NXPE2: variants seen among roughly 807,000 people sequenced by gnomAD.
The protein encoded by NXPE2 is NXPE family member 2.
A neutral mutation model predicts 34.4 loss-of-function variants in NXPE2; 34 were observed. The observed-to-expected ratio is 0.99, with a 90% CI of 0.75 to 1.31. The LOEUF is 1.31. NXPE2 is among the 40% of genes most tolerant of loss of function. NXPE2 has a pLI of 0.00. For missense variants in NXPE2, 649 were observed against 672.5 expected, an observed-to-expected ratio of 0.97 and a Z score of 0.39; for synonymous variants, 235 against 231.3, an observed-to-expected ratio of 1.02 and a Z score of -0.15.
chr11:114,706,489 T>A lies in NXPE2; in HGVS notation c.1239T>A (p.His413Gln). ...ERHILIQWKK[H>Q]GHPFVTKKLF... ...ATATTTTGATTCAGTGGAAAAAACA[T>A]GGTCATCCATTTGTTACCAAAAAAT... is the stretch of plus-strand genomic sequence containing the variant. The change falls in exon 6 of 6, where the codon CAT (histidine) becomes CAA (glutamine). Residue 413 changes from histidine to glutamine, a missense_variant. His to Gln is a conservative substitution (Grantham distance 24). Coordinates refer to ENST00000389586, the MANE Select transcript of NXPE2 (RefSeq NM_182495.6). 1 of 1,551,758 alleles carries A rather than the reference T, an allele frequency of 6.4e-7. No homozygotes were observed. Among genetic ancestry groups the A allele is most frequent in the South Asian group, 1.2e-5 (1 of 84,064 alleles).
At chr11:114,496,786 T>G in the NXPE2 span, among the ~76,000 whole-genome samples, 1 of 152,150 alleles carries the variant, frequency 6.6e-6, no homozygotes, top group East Asian at 1.9e-4. Flanking sequence ...GGTGGTCTCT[T>G]AAGATTATAA....
At chr11:114,635,521 G>A in the NXPE2 span, among the ~76,000 whole-genome samples, 1 of 152,000 alleles carries the variant, frequency 6.6e-6, no homozygotes, top group South Asian at 2.1e-4. Flanking sequence ...AGTGGTGAGA[G>A]AGGGCATCCC....
the NXPE2 span, among the ~76,000 whole-genome samples, chr11:114,646,830 C>T: frequency 6.6e-6 from 1 of 152,036 alleles, no homozygotes; most frequent in African/African-American, 2.4e-5. Flanking sequence ...CAAAGCAGGA[C>T]CATATGTGAT....
At chr11:114,505,817 G>A in the NXPE2 span, among the ~76,000 whole-genome samples, 1 of 152,012 alleles carries the variant, frequency 6.6e-6, no homozygotes, top group African/African-American at 2.4e-5. Context: ...ATATAAACAA[G>A]TCTGTGAAAT....
chr11:114,697,961 G>A, intron 2 of NXPE2, 84 bp from the exon 3 acceptor site: 2 of 1,241,784 alleles, frequency 1.6e-6, no homozygotes, highest in Non-Finnish European at 2.1e-6. Flanking sequence ...ACTGAAAGAT[G>A]TAAAATAAGC....
In NXPE2 at chr11:114,698,659, C is replaced by A; in HGVS notation, c.747C>A (p.Asp249Glu). 1 of 1,614,158 alleles carries A rather than the reference C, an allele frequency of 6.2e-7. No homozygotes were observed. The highest frequency in any genetic ancestry group is 8.5e-7 in the Non-Finnish European group (1 of 1,180,008). The change falls in exon 3 of 6, where the codon GAC (aspartate) becomes GAA (glutamate). Residue 249 changes from aspartate (D) to glutamate (E), a missense_variant. Physicochemically the swap from Asp to Glu is conservative, Grantham distance 45. Coordinates refer to ENST00000389586, the MANE Select transcript of NXPE2 (RefSeq NM_182495.6). ...TGTGCCAGTACATGGATGACAGAGA[C>A]CAAGAAGCCTTCTACTGTGTGAGGC... The part of the protein sequence containing the change: ...AELCQYMDDR[D>E]QEAFYCVRPQ...
the NXPE2 span, among the ~76,000 whole-genome samples, chr11:114,797,886 A>G: frequency 9.9e-5 from 15 of 152,226 alleles, no homozygotes; most frequent in African/African-American, 3.4e-4. Flanking sequence ...TGTCAGAACT[A>G]GACAAGTCAC....
At chr11:114,673,867 T>C (rs533394429), upstream of NXPE2, among the ~76,000 whole-genome samples, 51 of 151,936 alleles carry the variant, frequency 3.4e-4, no homozygotes, top group African/African-American at 4.8e-4. Flanking sequence ...GGAAATTCTT[T>C]GTGAATTCCT....
chr11:114,634,650 AGGAAG>A, the NXPE2 span, among the ~76,000 whole-genome samples: 1 of 152,060 alleles, frequency 6.6e-6, no homozygotes, highest in Admixed American at 6.6e-5. Flanking sequence ...ATAAGGTGTA[AGGAAG>A]GGATCCAGTT....
At chr11:114,551,956 T>G in the NXPE2 span, 1 of 152,242 alleles carries the variant, frequency 6.6e-6, no homozygotes, top group African/African-American at 2.4e-5. Flanking sequence ...TGTAAAGCCT[T>G]GCCTCTTTGT....
At chr11:114,511,118 A>C in the NXPE2 span, among the ~76,000 whole-genome samples, 2 of 152,178 alleles carry the variant, frequency 1.3e-5, no homozygotes, top group African/African-American at 4.8e-5. Context: ...CCTACTCAGA[A>C]TCCTTCCTAC....
At chr11:114,645,738 T>C in the NXPE2 span, among the ~76,000 whole-genome samples, 1 of 152,138 alleles carries the variant, frequency 6.6e-6, no homozygotes, top group African/African-American at 2.4e-5. Context: ...AAAGTGATAT[T>C]TGAATGACTA....
the NXPE2 span, among the ~76,000 whole-genome samples, chr11:114,560,420 C>T: frequency 6.6e-6 from 1 of 151,754 alleles, no homozygotes; most frequent in Non-Finnish European, 1.5e-5. Context: ...TGCTGCCACA[C>T]CTGGCTAATA....
the NXPE2 span, among the ~76,000 whole-genome samples, chr11:114,728,212 T>C: frequency 2.6e-5 from 4 of 152,080 alleles, no homozygotes; most frequent in Non-Finnish European, 5.9e-5. Context: ...TTAGCCTCAA[T>C]TGGAGAATCA....
At chr11:114,783,058 GAGA>G in the NXPE2 span, among the ~76,000 whole-genome samples, 1 of 150,358 alleles carries the variant, frequency 6.7e-6, no homozygotes, top group Non-Finnish European at 1.5e-5. Flanking sequence ...AAAGCTATAT[GAGA>G]AGTATTATTT....
chr11:114,634,329 AT>A, the NXPE2 span, among the ~76,000 whole-genome samples: 1 of 151,918 alleles, frequency 6.6e-6, no homozygotes, highest in African/African-American at 2.4e-5. Flanking sequence ...TTTCTTGTAA[AT>A]TTGTTTGAGT....
the NXPE2 span, among the ~76,000 whole-genome samples, chr11:114,803,036 G>A: frequency 6.6e-6 from 1 of 152,126 alleles, no homozygotes; most frequent in Non-Finnish European, 1.5e-5. Flanking sequence ...ATCTCTCAAG[G>A]AAGATCAGAC....
the NXPE2 span, among the ~76,000 whole-genome samples, chr11:114,639,269 G>T: frequency 2.0e-5 from 3 of 152,086 alleles, no homozygotes; most frequent in African/African-American, 7.2e-5. Context: ...GACCCTCCGA[G>T]CCAGGTGCAG....
chr11:114,771,619 T>A, the NXPE2 span, among the ~76,000 whole-genome samples: 1 of 152,140 alleles, frequency 6.6e-6, no homozygotes, highest in South Asian at 2.1e-4. Flanking sequence ...TCGTGAGTGC[T>A]CACTCTCACT....
Sources: allele counts gnomAD v4.1 joint callset (sites outside exome capture counted in the v4.1 genomes callset), GRCh38; gene constraint gnomAD v4.1.1; transcripts MANE v1.5; gene names NCBI Gene and HGNC (gene_info 2026-07-23, HGNC 2026-07-21).